TNN: variants seen among roughly 807,000 people sequenced by gnomAD.
The protein encoded by TNN is tenascin N, also known as tenascin-N.
In TNN, 122 loss-of-function variants were observed where a neutral mutation model predicts 134.4. The observed-to-expected ratio is 0.91, with a 90% CI of 0.78 to 1.06. TNN has a LOEUF of 1.06. Among genes scored for constraint, TNN ranks in the 50% least tolerant of loss-of-function variants. TNN has a pLI of 0.00. For missense variants in TNN, 1,739 were observed against 1,699.4 expected, an observed-to-expected ratio of 1.02 and a Z score of -0.41; for synonymous variants, 710 against 670.3, an observed-to-expected ratio of 1.06 and a Z score of -0.91.
chr1:175,087,997 C>G (rs1039656997), intron 6 of TNN, among the ~76,000 whole-genome samples: 2 of 152,342 alleles, frequency 1.3e-5, no homozygotes, highest in Non-Finnish European at 2.9e-5. Flanking sequence ...GGTCAAGGTA[C>G]GTGCTTCCAT....
chr1:175,098,940 G>GATCA (rs2149433361), intron 9 of TNN, among the ~76,000 whole-genome samples: 1 of 152,268 alleles, frequency 6.6e-6, no homozygotes, highest in East Asian at 1.9e-4. Flanking sequence ...TAGGGATTGT[G>GATCA]ATCAATCCCT....
At chr1:175,075,159 G>C (rs117116460) in intron 1 of TNN, among the ~76,000 whole-genome samples, 1 of 152,162 alleles carries the variant, frequency 6.6e-6, no homozygotes, top group Non-Finnish European at 1.5e-5. Flanking sequence ...TTCACCCCCT[G>C]TTTCCTCAAC....
intron 1 of TNN, among the ~76,000 whole-genome samples, chr1:175,069,144 A>C (rs1416329905): frequency 1.3e-5 from 2 of 152,174 alleles, no homozygotes; most frequent in Non-Finnish European, 2.9e-5. Context: ...ATTGGGACAC[A>C]GGTTAGCCAC....
rs1013217773 is a variant in TNN, at chr1:175,098,359, C to G, written c.1883C>G (p.Thr628Ser). 2.5e-6 allele frequency: 4 copies of G among 1,614,190 alleles called. No homozygotes were observed. The highest frequency in any genetic ancestry group is 3.4e-6 in the Non-Finnish European group (4 of 1,180,024). The change falls in exon 9 of 19, where the codon ACT becomes AGT. Residue 628 changes from threonine (T) to serine (S), a missense_variant. Thr to Ser is a moderately conservative substitution (Grantham distance 58). Transcript: ENST00000239462. ...TDIDSPKNLV[T>S]DRVTENMATV... ...ATTGACAGCCCCAAAAACCTGGTGA[C>G]TGACCGGGTGACAGAGAATATGGCC...
chr1:175,140,147 C>T (rs1675911431), intron 17 of TNN, among the ~76,000 whole-genome samples: 1 of 152,222 alleles, frequency 6.6e-6, no homozygotes, highest in Non-Finnish European at 1.5e-5. Context: ...TTCTTCCAAC[C>T]CTTTGGTATA....
At chr1:175,131,917 TACACACACACAC>T (rs3028571) in intron 15 of TNN, among the ~76,000 whole-genome samples, 3 of 136,336 alleles carry the variant, frequency 2.2e-5, no homozygotes, top group Non-Finnish European at 4.7e-5. Flanking sequence ...GAAGTATTAT[TACACACACACAC>T]ACACACACAC....
chr1:175,128,191 G>T, intron 14 of TNN, 27 bp downstream of exon 14: 3 of 1,557,942 alleles, frequency 1.9e-6, no homozygotes, highest in South Asian at 1.2e-5. Flanking sequence ...TACTCTGAAC[G>T]ACCGTGCAAT....
chr1:175,116,825 A>G (rs1675190281), intron 9 of TNN, 114 bp from the exon 10 acceptor site: 2 of 1,417,316 alleles, frequency 1.4e-6, no homozygotes, highest in Non-Finnish European at 2.0e-6. Context: ...AAACCAGCAT[A>G]TGATATGGAG....
At chr1:175,093,272 A>T (rs533430528) in intron 6 of TNN, among the ~76,000 whole-genome samples, 1 of 152,184 alleles carries the variant, frequency 6.6e-6, no homozygotes, top group Non-Finnish European at 1.5e-5. Flanking sequence ...TGTGTCAAAG[A>T]AAAAATGAGA....
At position 175,102,579 on chromosome 1, in the gene TNN, T is replaced by C. The variant is rs112966584; in HGVS notation, c.2119+3984T>C. Among the ~76,000 whole-genome samples, 121 of 146,014 alleles carry C rather than the reference T, an allele frequency of 8.3e-4. 7 individuals carry two copies. The highest frequency in any genetic ancestry group is 2.9e-3 in the African/African-American group (120 of 40,686). ...CCTCACTGCCCGGGGCCAGCAGGGC[T>C]GGCCGGCTGCTCTGAGTGCGGGGCC... On this transcript the variant is annotated intron_variant, in intron 9 of 18. Coordinates refer to ENST00000239462, the MANE Select transcript of TNN (RefSeq NM_022093.2).
chr1:175,112,925 G>A (rs1233868343), intron 9 of TNN, among the ~76,000 whole-genome samples: 1 of 151,960 alleles, frequency 6.6e-6, no homozygotes, highest in Non-Finnish European at 1.5e-5. Flanking sequence ...CCCGGCCTCA[G>A]CAAGTCTATC....
In TNN at chr1:175,079,638, G is replaced by A. The variant is rs758105817; in HGVS notation, c.715G>A (p.Gly239Ser). ...GAAGCGCTGTCCCGGCGACTGCAGC[G>A]GCCACGGCTTCTGTGACACGGGCGA... Reference protein sequence around the residue: ...SEKRCPGDCSGHGFCDTGECY... With the variant: ...SEKRCPGDCSSHGFCDTGECY... Residue 239 changes from glycine (G) to serine (S), a missense_variant, in exon 3 of 19, where the codon GGC becomes AGC. By Grantham distance (56) the Gly-to-Ser change is moderately conservative. Coordinates refer to ENST00000239462, the MANE Select transcript of TNN (RefSeq NM_022093.2). 5 of 1,607,804 alleles carry A rather than the reference G, an allele frequency of 3.1e-6. No individual in the cohort carries two copies. The East Asian group carries it at 9.0e-5, about 29-fold the overall frequency.
chr1:175,090,628 G>C (rs7518405), intron 6 of TNN, among the ~76,000 whole-genome samples: 83,401 of 152,062 alleles, frequency 0.55, 23,473 homozygotes, highest in African/African-American at 0.69. Context: ...ACAGCCTAGT[G>C]TGAAGACAGA....
Position 175,127,074 on chromosome 1 carries a change from G to A in TNN, c.3034G>A (p.Gly1012Ser), listed in dbSNP as rs1484525553. 6.2e-7 allele frequency: 1 copy of A among 1,613,798 alleles called. No homozygotes were observed. Among genetic ancestry groups the A allele is most frequent in the South Asian group, 1.1e-5 (1 of 90,994 alleles). ...CATTCTGACTTACCAGTTCCCAGAT[G>A]GCACAGTTAAGGTACGGGGATTCCT... is the stretch of plus-strand genomic sequence containing the variant. ...GYILTYQFPD[G>S]TVKEMQLGRE... The change falls in exon 13 of 19, where the codon GGC becomes AGC. Residue 1012 changes from glycine (G) to serine (S), a missense_variant. Gly to Ser is a moderately conservative substitution (Grantham distance 56, BLOSUM62 0). Coordinates refer to ENST00000239462, the MANE Select transcript of TNN (RefSeq NM_022093.2).
intron 1 of TNN, among the ~76,000 whole-genome samples, chr1:175,069,250 C>T (rs997182964): frequency 1.4e-4 from 21 of 152,162 alleles, no homozygotes; most frequent in Non-Finnish European, 1.5e-5. Flanking sequence ...GGCAGCTGGC[C>T]TCTTGACATT....
intron 1 of TNN, among the ~76,000 whole-genome samples, chr1:175,073,332 G>A (rs1673962567): frequency 6.6e-6 from 1 of 152,134 alleles, no homozygotes; most frequent in African/African-American, 2.4e-5. Context: ...TCTTTGTGAT[G>A]AACGTCTAAG....
At chr1:175,113,297 C>T (rs1005472384) in intron 9 of TNN, among the ~76,000 whole-genome samples, 2 of 152,180 alleles carry the variant, frequency 1.3e-5, no homozygotes, top group Non-Finnish European at 2.9e-5. Context: ...GTTTCTCCCT[C>T]ATTTCTGAAG....
intron 1 of TNN, among the ~76,000 whole-genome samples, chr1:175,070,045 G>A (rs2149424006): frequency 6.6e-6 from 1 of 152,300 alleles, no homozygotes; most frequent in East Asian, 1.9e-4. Flanking sequence ...CTGTTTGGTT[G>A]AATAAGGGAG....
intron 5 of TNN, among the ~76,000 whole-genome samples, chr1:175,084,362 G>A (rs147059088): frequency 1.8e-4 from 28 of 152,076 alleles, no homozygotes; most frequent in Admixed American, 1.6e-3. Flanking sequence ...AAGGGGTTGT[G>A]TTGGGGGATG....
Sources: allele counts gnomAD v4.1 joint callset (sites outside exome capture counted in the v4.1 genomes callset), GRCh38; gene constraint gnomAD v4.1.1; transcripts MANE v1.5; gene names NCBI Gene and HGNC (gene_info 2026-07-23, HGNC 2026-07-21).